The following CLDN11 variants were observed in gnomAD, a reference collection of about 807,000 sequenced individuals.
CLDN11 encodes claudin-11.
A neutral mutation model predicts 18.0 loss-of-function variants in CLDN11; 1 was observed. The ratio of observed to expected loss-of-function variants is 0.06; its 90% confidence interval spans 0.02 to 0.26. The LOEUF (loss-of-function observed/expected upper bound fraction) is 0.26. Among genes scored for constraint, CLDN11 ranks in the 10% least tolerant of loss-of-function variants. The probability of loss-of-function intolerance (pLI) is 1.00; values close to 1 mark genes in which losing one functional copy is unlikely to be tolerated. For missense variants in CLDN11, 172 were observed against 276.6 expected (o/e 0.62, Z 2.68); for synonymous variants, 116 against 121.5 (o/e 0.96, Z 0.30).
At chr3:170,428,140 C>CAAAA (rs34713746) in intron 2 of CLDN11, among the ~76,000 whole-genome samples, 2 of 106,912 alleles carry the variant, frequency 1.9e-5, no homozygotes, top group African/African-American at 7.6e-5. Flanking sequence ...GATATCCTAT[C>CAAAA]AAAAAAAAAA....
At chr3:170,428,928 A>G (rs1360138842) in intron 2 of CLDN11, among the ~76,000 whole-genome samples, 2 of 152,240 alleles carry the variant, frequency 1.3e-5, no homozygotes, top group East Asian at 3.8e-4. Context: ...TTTTTCCCAA[A>G]TAACAGAGAG....
intron 2 of CLDN11, among the ~76,000 whole-genome samples, chr3:170,426,377 C>T (rs1204232847): frequency 6.6e-6 from 1 of 152,192 alleles, no homozygotes; most frequent in African/African-American, 2.4e-5. Context: ...ATGAGTAGTA[C>T]AGGAGCAGCA....
At chr3:170,424,280 G>T (rs1291050914) in intron 2 of CLDN11, among the ~76,000 whole-genome samples, 3 of 152,226 alleles carry the variant, frequency 2.0e-5, no homozygotes, top group Non-Finnish European at 4.4e-5. Flanking sequence ...TGTAGAAAAG[G>T]TATATAGTCT....
rs1337107682 is a variant in CLDN11, at chr3:170,419,750, C to G, written c.226+458C>G. Among the ~76,000 whole-genome samples the G allele has an allele frequency of 6.6e-6, 1 of 152,276 alleles. No homozygotes were observed. The highest frequency in any genetic ancestry group is 1.5e-5 in the Non-Finnish European group (1 of 68,046). ...AGCTGACAGGAGAATCGAACCGGCT[C>G]AGGCTGAGTTTCTCGGTCCTCATGG... On this transcript the variant is annotated intron_variant, in intron 1 of 2. Transcript: ENST00000064724. This position sits in a 1 kb window ranked among gnomAD's most constrained non-coding sequence, Gnocchi z 8.6.
intron 2 of CLDN11, among the ~76,000 whole-genome samples, chr3:170,431,252 A>G (rs1418094376): frequency 6.6e-6 from 1 of 152,306 alleles, no homozygotes; most frequent in East Asian, 1.9e-4. Flanking sequence ...ATCAGAAAAA[A>G]GCTTGCTGAG....
intron 2 of CLDN11, among the ~76,000 whole-genome samples, chr3:170,428,585 G>A (rs1738921610): frequency 6.6e-6 from 1 of 152,188 alleles, no homozygotes; most frequent in Non-Finnish European, 1.5e-5. Flanking sequence ...ACATAGTGAA[G>A]CTTTCTTTTC....
Position 170,427,480 on chromosome 3 carries a change from G to T in CLDN11, c.391+4153G>T, listed in dbSNP as rs1738885433. Among the ~76,000 whole-genome samples, 4 of 152,048 alleles carry T rather than the reference G, an allele frequency of 2.6e-5. No individual in the cohort carries two copies. The South Asian group carries it at 8.3e-4, about 32-fold the overall frequency. On this transcript the variant is annotated intron_variant, in intron 2 of 2. Transcript: ENST00000064724. ...CTACTTAAAATATAAAATTAGCAGGGCATGGTGGCACACGCCTGTAATCCC... is the reference window on the plus strand; with the variant it reads ...CTACTTAAAATATAAAATTAGCAGGTCATGGTGGCACACGCCTGTAATCCC...
At chr3:170,420,279 A>G (rs951553190) in intron 1 of CLDN11, among the ~76,000 whole-genome samples, 75 of 151,690 alleles carry the variant, frequency 4.9e-4, no homozygotes, top group African/African-American at 1.8e-3. Context: ...TCTCTGCTCT[A>G]CCCCCAAGGC....
At chr3:170,422,524 C>A (rs748471828) in intron 1 of CLDN11, among the ~76,000 whole-genome samples, 5 of 152,112 alleles carry the variant, frequency 3.3e-5, no homozygotes, top group African/African-American at 1.2e-4. Context: ...CAGGTTCAAG[C>A]GATTCTGCTG....
In CLDN11 at chr3:170,433,211, G is replaced by A. The variant is rs1360309800; in HGVS notation, c.*455G>A. On this transcript the variant is annotated 3_prime_UTR_variant, in exon 3 of 3. Transcript: ENST00000064724. The stretch of plus-strand genomic sequence containing the variant: ...GGCTGGAGTGCGGTGGTGTGATCTC[G>A]GCTCATGTAGCCTCAACCTCCCCGG... The A allele has an allele frequency of 5.1e-5, 7 of 136,340 alleles. No individual in the cohort carries two copies. Among genetic ancestry groups the A allele is most frequent in the African/African-American group, 1.1e-4 (4 of 34,978 alleles). The allele number at this position is 136,340 out of a possible 1,614,324, so 8.4% of individuals were successfully genotyped here.
intron 1 of CLDN11, among the ~76,000 whole-genome samples, chr3:170,420,278 T>C (rs1738692553): frequency 6.6e-6 from 1 of 152,102 alleles, no homozygotes. Context: ...ATCTCTGCTC[T>C]ACCCCCAAGG....
At chr3:170,422,263 GAGAC>G (rs60039916) in intron 1 of CLDN11, among the ~76,000 whole-genome samples, 116,523 of 151,642 alleles carry the variant, frequency 0.77, 45,576 homozygotes, top group East Asian at 0.99. Flanking sequence ...GCGCTGCACT[GAGAC>G]AGACAAAGAA....
At chr3:170,422,843 T>C (rs1214934114) in intron 1 of CLDN11, among the ~76,000 whole-genome samples, 1 of 152,242 alleles carries the variant, frequency 6.6e-6, no homozygotes, top group Non-Finnish European at 1.5e-5. Flanking sequence ...GAATGATTCT[T>C]GGGAGATTTC....
At chr3:170,429,890 A>G (rs1390512924) in intron 2 of CLDN11, among the ~76,000 whole-genome samples, 1 of 152,274 alleles carries the variant, frequency 6.6e-6, no homozygotes. Context: ...GTTGAAAAAT[A>G]TAAAACTTGA....
Position 170,425,094 on chromosome 3 carries a change from G to A in CLDN11, c.391+1767G>A, listed in dbSNP as rs73038375. ...TCCGGTGCTTTATCTGACTCACAGG[G>A]GCTCCCTCTTGCAGTGCTCTATGGA... On this transcript the variant is annotated intron_variant, in intron 2 of 2. Coordinates refer to ENST00000064724, the MANE Select transcript of CLDN11 (RefSeq NM_005602.6). Among the ~76,000 whole-genome samples the A allele has an allele frequency of 2.6e-3, 394 of 152,274 alleles. 3 individuals are homozygous for A. Among genetic ancestry groups the A allele is most frequent in the African/African-American group, 8.6e-3 (356 of 41,552 alleles).
intron 2 of CLDN11, among the ~76,000 whole-genome samples, chr3:170,426,134 G>A (rs930094546): frequency 3.3e-5 from 5 of 152,178 alleles, no homozygotes; most frequent in East Asian, 1.9e-4. Flanking sequence ...CCTGGGTTTC[G>A]GGGGCCTGGG....
intron 2 of CLDN11, among the ~76,000 whole-genome samples, chr3:170,428,704 C>T (rs554465677): frequency 1.3e-5 from 2 of 152,254 alleles, no homozygotes; most frequent in Admixed American, 6.5e-5. Context: ...TACCCCCCAC[C>T]ACCTTGTGTA....
chr3:170,423,081 G>A lies in CLDN11; in HGVS notation c.227-82G>A, dbSNP rs574436824. 1.9e-4 allele frequency: 278 copies of A among 1,433,036 alleles called. 2 individuals carry two copies. In the South Asian group the frequency reaches 3.1e-3, roughly 16 times the overall value. The allele number at this position is 1,433,036 out of a possible 1,614,324, so 88.8% of individuals were successfully genotyped here. On this transcript the variant is annotated intron_variant, in intron 1 of 2. Transcript: ENST00000064724. ...CCACCAAGAAGGAGGAAGGGAGATG[G>A]TGCTGAATTCCCCTAAGGCAGGGCT...
At chr3:170,431,532 A>G (rs1349582972) in intron 2 of CLDN11, among the ~76,000 whole-genome samples, 1 of 152,224 alleles carries the variant, frequency 6.6e-6, no homozygotes, top group African/African-American at 2.4e-5. Flanking sequence ...CACTAGCCTC[A>G]TGGCAAATGA....
Sources: gnomAD v4.1 joint callset for allele counts (sites outside exome capture counted in the v4.1 genomes callset) on GRCh38, gnomAD v4.1.1 for gene constraint, Gnocchi (gnomAD v3.1) non-coding constraint, MANE v1.5 for transcripts, NCBI Gene and HGNC (gene_info 2026-07-23, HGNC 2026-07-21) for gene names.